The following PALM2AKAP2 variants were observed in gnomAD, a reference collection of about 807,000 sequenced individuals.
PALM2AKAP2 encodes PALM2 and AKAP2 fusion, also known as PALM2-AKAP2 fusion protein.
In PALM2AKAP2, 37 loss-of-function variants were observed where a neutral mutation model predicts 71.5. The observed-to-expected ratio is 0.52, with a 90% confidence interval of 0.40 to 0.68. The LOEUF (loss-of-function observed/expected upper bound fraction) is 0.68. PALM2AKAP2 is among the 30% of genes least tolerant of loss of function. PALM2AKAP2 has a pLI of 0.00. For synonymous variants in PALM2AKAP2, 468 were observed against 478.8 expected (o/e 0.98, Z 0.29); for missense variants, 1,224 against 1,191.8 (o/e 1.03, Z -0.40).
At chr9:109,867,164 CTGTGTGTGTGTGTGTGTG>C (rs56194780) in intron 1 of PALM2AKAP2, 15 of 399,804 alleles carry the variant, frequency 3.8e-5, no homozygotes, top group Middle Eastern at 6.2e-4. Flanking sequence ...ACATGGTTCT[CTGTGTGTGTGTGTGTGTG>C]TGTGTGTGTG....
At chr9:110,005,468 G>A (rs111773628) in intron 6 of PALM2AKAP2, among the ~76,000 whole-genome samples, 2 of 152,220 alleles carry the variant, frequency 1.3e-5, no homozygotes, top group Non-Finnish European at 2.9e-5. Context: ...GGCTACTCGG[G>A]GGTCAGGGAC....
intron 1 of PALM2AKAP2, among the ~76,000 whole-genome samples, chr9:110,066,430 T>C (rs1185481615): frequency 6.6e-6 from 1 of 152,146 alleles, no homozygotes; most frequent in Non-Finnish European, 1.5e-5. Context: ...GGCGTGGTGA[T>C]TCATGCCTGT....
intron 1 of PALM2AKAP2, among the ~76,000 whole-genome samples, chr9:110,104,351 G>C (rs775351116): frequency 3.3e-5 from 5 of 152,078 alleles, no homozygotes; most frequent in Admixed American, 2.6e-4. Context: ...AGCACAAATC[G>C]TACCTTACTG....
At chr9:110,047,876 G>C (rs1833628565), upstream of PALM2AKAP2, among the ~76,000 whole-genome samples, 1 of 152,178 alleles carries the variant, frequency 6.6e-6, no homozygotes, top group Admixed American at 6.5e-5. Flanking sequence ...AGGAGGGGAT[G>C]AGAGACTGAA....
In PALM2AKAP2 at chr9:110,082,316, A is replaced by G. The variant is rs930803865; in HGVS notation, c.156+33461A>G. 3.3e-5 allele frequency among the ~76,000 whole-genome samples: 5 copies of G among 152,282 alleles called. No homozygotes were observed. The East Asian group carries it at 9.7e-4, about 29-fold the overall frequency. On this transcript the variant is annotated intron_variant, in intron 1 of 3. Coordinates refer to ENST00000374525, the Ensembl canonical transcript of PALM2AKAP2. ...GGTGATCCACCCACCTCAGCCTCCCAAAGTGCTGGGATTTACAGGCTTGAG... is the reference window on the plus strand; with the variant it reads ...GGTGATCCACCCACCTCAGCCTCCCGAAGTGCTGGGATTTACAGGCTTGAG...
Position 110,156,621 on chromosome 9 carries a change from G to A in PALM2AKAP2, c.2748+124G>A, listed in dbSNP as rs1836464403. The A allele has an allele frequency of 7.7e-6, 10 of 1,294,724 alleles. No individual in the cohort carries two copies. In the East Asian group the frequency reaches 8.7e-5, roughly 11 times the overall value. The allele number at this position is 1,294,724 out of a possible 1,614,324, so 80.2% of individuals were successfully genotyped here. A position where few individuals can be genotyped will look rare whatever the true frequency, so the allele number is the denominator to read the frequency against. ...GGTCAGCATTAGGGTTCCAGTATCA[G>A]TTTTCATATATGTGGTTTCACATGC... On this transcript the variant is annotated intron_variant, in intron 3 of 3. Coordinates refer to ENST00000374525, the Ensembl canonical transcript of PALM2AKAP2.
At chr9:109,711,350 T>A (rs1828232497) in intron 1 of PALM2AKAP2, among the ~76,000 whole-genome samples, 1 of 152,226 alleles carries the variant, frequency 6.6e-6, no homozygotes, top group Admixed American at 6.5e-5. Context: ...CTGAGAAGAT[T>A]TTGATGGTTC....
At chr9:109,767,588 G>A (rs10816862) in intron 1 of PALM2AKAP2, among the ~76,000 whole-genome samples, 3,165 of 152,252 alleles carry the variant, frequency 0.021, 49 homozygotes, top group African/African-American at 0.04. Context: ...CCCCTCCCAA[G>A]GCCGAGATCT....
rs370188565 is a variant in PALM2AKAP2 at position 109,645,263 on chromosome 9, C to A, written c.5+4397C>A. On this transcript the variant is annotated intron_variant, in intron 1 of 6. Transcript: ENST00000374531. Reference sequence around the variant, plus strand: ...GCAGCAGGCAAAAAGAAAGCTTGTGCAGAGAAACTTCAATTTTAAAAACCA... The same window carrying A: ...GCAGCAGGCAAAAAGAAAGCTTGTGAAGAGAAACTTCAATTTTAAAAACCA... Among the ~76,000 whole-genome samples the A allele has an allele frequency of 1.4e-4, 21 of 152,268 alleles. No homozygotes were observed. The South Asian group carries it at 4.2e-3, about 30-fold the overall frequency.
At chr9:109,908,216 G>C (rs920886224) in intron 3 of PALM2AKAP2, among the ~76,000 whole-genome samples, 4 of 152,220 alleles carry the variant, frequency 2.6e-5, no homozygotes, top group African/African-American at 9.6e-5. Context: ...CAGGCAAGGG[G>C]TGGAGTGACA....
upstream of PALM2AKAP2, among the ~76,000 whole-genome samples, chr9:110,043,716 G>GTTTTTTTTTTTTTTT (rs61128628): frequency 1.1e-5 from 1 of 91,584 alleles, no homozygotes; most frequent in African/African-American, 4.4e-5. Context: ...TTTTTTTGGT[G>GTTTTTTTTTTTTTTT]TTTTTTTTTT....
At chr9:110,132,371 T>C (rs1835754221) in intron 1 of PALM2AKAP2, among the ~76,000 whole-genome samples, 2 of 151,750 alleles carry the variant, frequency 1.3e-5, no homozygotes, top group South Asian at 4.2e-4. Context: ...TTTTTTTTTT[T>C]TCTTTTTGAT....
intron 3 of PALM2AKAP2, among the ~76,000 whole-genome samples, chr9:109,881,400 T>A (rs1225844325): frequency 6.6e-6 from 1 of 152,238 alleles, no homozygotes; most frequent in African/African-American, 2.4e-5. Flanking sequence ...CTGTTATTGC[T>A]GCTGTAGTGA....
chr9:110,048,220 G>T (rs1365317241), upstream of PALM2AKAP2, among the ~76,000 whole-genome samples: 2 of 152,178 alleles, frequency 1.3e-5, no homozygotes, highest in African/African-American at 4.8e-5. Flanking sequence ...GGGACGAGGG[G>T]CTGTTTCCCC....
chr9:109,657,649 G>A (rs1224101333), intron 1 of PALM2AKAP2, among the ~76,000 whole-genome samples: 1 of 152,142 alleles, frequency 6.6e-6, no homozygotes, highest in African/African-American at 2.4e-5. Flanking sequence ...ATTGCCTTGA[G>A]GGAGCGAGTT....
chr9:109,752,241 G>A, intron 1 of PALM2AKAP2, among the ~76,000 whole-genome samples: 1 of 152,110 alleles, frequency 6.6e-6, no homozygotes, highest in Admixed American at 6.6e-5. Flanking sequence ...TTAGAGTGAA[G>A]GTAGAATGCA....
intron 1 of PALM2AKAP2, among the ~76,000 whole-genome samples, chr9:110,088,186 G>A (rs895142065): frequency 6.6e-6 from 1 of 151,466 alleles, no homozygotes; most frequent in Non-Finnish European, 1.5e-5. Context: ...TTACAGAATT[G>A]TCTGGGGTTT....
chr9:110,023,040 C>T (rs1424362360), intron 7 of PALM2AKAP2, among the ~76,000 whole-genome samples: 7 of 151,590 alleles, frequency 4.6e-5, no homozygotes, highest in Admixed American at 2.0e-4. Flanking sequence ...AATAAACATA[C>T]GTGTGCATGT....
chr9:110,048,136 C>T (rs1669336133), upstream of PALM2AKAP2, among the ~76,000 whole-genome samples: 1 of 152,226 alleles, frequency 6.6e-6, no homozygotes, highest in South Asian at 2.1e-4. Flanking sequence ...GACACCATTA[C>T]TGCCACAAAG....
Sources: gnomAD v4.1 joint callset for allele counts (sites outside exome capture counted in the v4.1 genomes callset) on GRCh38, gnomAD v4.1.1 for gene constraint, MANE v1.5 for transcripts, NCBI Gene and HGNC (gene_info 2026-07-23, HGNC 2026-07-21) for gene names.